CELF2: variants seen among roughly 807,000 people sequenced by gnomAD.
CELF2 encodes CUGBP Elav-like family member 2.
In CELF2, 8 loss-of-function variants were observed where a neutral mutation model predicts 62.6. The ratio of observed to expected loss-of-function variants is 0.13; its 90% CI spans 0.07 to 0.23. CELF2 has a LOEUF of 0.23. Ranked by LOEUF, CELF2 falls within the 10% of genes least tolerant of loss-of-function variation. CELF2 has a pLI of 1.00. For missense variants in CELF2, 333 were observed against 671.0 expected (o/e 0.50, Z 5.56); for synonymous variants, 258 against 250.0 (o/e 1.03, Z -0.30).
At chr10:10,867,112 A>G (rs1390566598) in intron 1 of CELF2, among the ~76,000 whole-genome samples, 1 of 152,046 alleles carries the variant, frequency 6.6e-6, no homozygotes, top group African/African-American at 2.4e-5. Context: ...TCAACAACCT[A>G]CTCTCTGGGA....
At position 11,305,462 on chromosome 10, in the gene CELF2, C is replaced by CG. The variant is rs2094131632; in HGVS notation, c.977-8677_977-8676insG. Among the ~76,000 whole-genome samples the CG allele has an allele frequency of 6.6e-6, 1 of 152,218 alleles. No individual in the cohort carries two copies. The highest frequency in any genetic ancestry group is 2.1e-4 in the South Asian group (1 of 4,828). ...CATCTTTCAAGCGCAGGAAAGACTCCAGTCTAGTTCACAGTTTGCCTGGGA... is the reference window on the plus strand; with the variant it reads ...CATCTTTCAAGCGCAGGAAAGACTCCGAGTCTAGTTCACAGTTTGCCTGGGA... On this transcript the variant is annotated intron_variant, in intron 9 of 12. Transcript: ENST00000633077. The surrounding 1 kb of genome is among the most constrained non-coding windows in gnomAD (Gnocchi z 4.8).
chr10:11,082,384 G>A lies in CELF2; in HGVS notation c.74+64221G>A, dbSNP rs371176680. ...ATATCTATCTCCAAACTCTCTTCCC[G>A]CTAGTTGTTCTATATTTCCAGATCA... On this transcript the variant is annotated intron_variant, in intron 1 of 12. Coordinates refer to ENST00000633077, the MANE Select transcript of CELF2 (RefSeq NM_001326342.2). 9.5e-4 allele frequency among the ~76,000 whole-genome samples: 145 copies of A among 152,226 alleles called. 1 individual carries two copies. The highest frequency in any genetic ancestry group is 1.7e-3 in the Non-Finnish European group (119 of 68,018).
At chr10:10,927,913 A>C (rs958269571) in intron 2 of CELF2, among the ~76,000 whole-genome samples, 5 of 152,160 alleles carry the variant, frequency 3.3e-5, no homozygotes, top group African/African-American at 1.2e-4. Context: ...TTTTCATAAA[A>C]TCATGTAAGA....
the CELF2 span, among the ~76,000 whole-genome samples, chr10:10,729,319 A>G: frequency 4.6e-5 from 7 of 152,222 alleles, no homozygotes; most frequent in African/African-American, 1.7e-4. Context: ...ATGGTAAGAG[A>G]AATACAGCGA....
In CELF2 at chr10:10,976,503, A is replaced by G. The variant is rs557756668; in HGVS notation, c.89+56504A>G. 1.1e-4 allele frequency among the ~76,000 whole-genome samples: 17 copies of G among 149,274 alleles called. No homozygotes were observed. In the East Asian group the frequency reaches 3.2e-3, roughly 28 times the overall value. ...TTTTTATGTTAAGCCATTTTACCCT[A>G]CTCTTTTTTTCATGCCTTTAGTTTC... On this transcript the variant is annotated intron_variant, in intron 2 of 13. Coordinates refer to the CELF2 transcript ENST00000636488.
At chr10:11,120,859 C>G (rs760985466) in intron 1 of CELF2, among the ~76,000 whole-genome samples, 1 of 152,192 alleles carries the variant, frequency 6.6e-6, no homozygotes, top group Non-Finnish European at 1.5e-5. Flanking sequence ...GAGGCTCTTA[C>G]AAATACTTTG....
rs566688161 is a variant in CELF2 at position 10,834,731 on chromosome 10, C to A, written c.53+35914C>A. On this transcript the variant is annotated intron_variant, in intron 1 of 13. Transcript: ENST00000636488. ...AAGCTCACGAGAAATCTTCAACATC[C>A]CACTTCAGACAAAACTTTGGTTTGA... Among the ~76,000 whole-genome samples, 6 of 152,252 alleles carry A rather than the reference C, an allele frequency of 3.9e-5. No homozygotes were observed. In the South Asian group the frequency reaches 8.3e-4, roughly 21 times the overall value.
the CELF2 span, among the ~76,000 whole-genome samples, chr10:10,611,683 G>A: frequency 6.6e-6 from 1 of 152,172 alleles, no homozygotes; most frequent in Admixed American, 6.5e-5. Flanking sequence ...TAATGACAGG[G>A]AGGCAGAGAC....
At chr10:11,134,728 C>T (rs923936783) in intron 1 of CELF2, among the ~76,000 whole-genome samples, 2 of 152,110 alleles carry the variant, frequency 1.3e-5, no homozygotes, top group Admixed American at 1.3e-4. Flanking sequence ...CTTCTGTTGG[C>T]AGTGGGATTT....
rs1382092726 is a variant in CELF2 at position 11,159,839 on chromosome 10, T to TA, written c.75-5642dup. Among the ~76,000 whole-genome samples, 1 of 152,216 alleles carries TA rather than the reference T, an allele frequency of 6.6e-6. No homozygotes were observed. Among genetic ancestry groups the TA allele is most frequent in the Non-Finnish European group, 1.5e-5 (1 of 68,034 alleles). On this transcript the variant is annotated intron_variant, in intron 1 of 12. Coordinates refer to ENST00000633077, the MANE Select transcript of CELF2 (RefSeq NM_001326342.2). This position sits in a 1 kb window ranked among gnomAD's most constrained non-coding sequence, Gnocchi z 5.0. ...CTATTACTTAAGTACAAGTGATATT[T>TA]AAAAATGATTCCTGAGCCCTTTGAA...
chr10:11,037,304 C>T (rs151159426), intron 1 of CELF2, among the ~76,000 whole-genome samples: 128 of 152,302 alleles, frequency 8.4e-4, no homozygotes, highest in African/African-American at 2.9e-3. Flanking sequence ...AGAAACCCAC[C>T]CCCTTGATTC....
chr10:11,275,080 C>T lies in CELF2; in HGVS notation c.801C>T (p.Ser267=), dbSNP rs771686813. ...AGCTCCTGCAGCAGGCCACCTCCTCCAGCAACCTGGGTGCGTTCAGCGGCA... is the reference window on the plus strand; with the variant it reads ...AGCTCCTGCAGCAGGCCACCTCCTCTAGCAACCTGGGTGCGTTCAGCGGCA... The part of the protein sequence containing the change: ...YLALLQQATS[S]SNLGAFSGIQ... Residue 267 remains serine (S), a synonymous_variant, in exon 8 of 13, where the codon TCC becomes TCT. Transcript: ENST00000633077. 1.9e-6 allele frequency: 3 copies of T among 1,614,218 alleles called. 1 individual carries two copies. In the South Asian group the frequency reaches 3.3e-5, roughly 18 times the overall value.
rs762325061 is a variant in CELF2 at position 10,936,897 on chromosome 10, C to A, written c.89+16898C>A. Among the ~76,000 whole-genome samples, 1 of 151,994 alleles carries A rather than the reference C, an allele frequency of 6.6e-6. No homozygotes were observed. Among genetic ancestry groups the A allele is most frequent in the East Asian group, 1.9e-4 (1 of 5,158 alleles). On this transcript the variant is annotated intron_variant, in intron 2 of 13. Coordinates refer to the CELF2 transcript ENST00000636488. This position sits in a 1 kb window ranked among gnomAD's most constrained non-coding sequence, Gnocchi z 4.0. Reference sequence around the variant, plus strand: ...ATTCTGTATTTCTGACAAGCTCCCACGGGGTTTCTGATGATTCTGGTCCTC... The same window carrying A: ...ATTCTGTATTTCTGACAAGCTCCCAAGGGGTTTCTGATGATTCTGGTCCTC...
rs2094432888 is a variant in CELF2, at chr10:11,309,117, TG to T, written c.977-5019del. ...GTCTTTGTCCACCAAGTCTAACATC[TG>T]GGCCCTCTTACGCACAGTTTCTGTT... On this transcript the variant is annotated intron_variant, in intron 9 of 12. Coordinates refer to ENST00000633077, the MANE Select transcript of CELF2 (RefSeq NM_001326342.2). The surrounding 1 kb of genome is among the most constrained non-coding windows in gnomAD (Gnocchi z 5.6). Among the ~76,000 whole-genome samples, 1 of 152,250 alleles carries T rather than the reference TG, an allele frequency of 6.6e-6. No homozygotes were observed. Among genetic ancestry groups the T allele is most frequent in the Non-Finnish European group, 1.5e-5 (1 of 68,042 alleles).
the CELF2 span, among the ~76,000 whole-genome samples, chr10:10,607,901 T>A: frequency 6.6e-6 from 1 of 151,330 alleles, no homozygotes; most frequent in Non-Finnish European, 1.5e-5. Flanking sequence ...AGGTGGCAGG[T>A]GGATCACCTG....
chr10:11,190,102 T>C (rs1288882167), intron 2 of CELF2, among the ~76,000 whole-genome samples: 4 of 152,244 alleles, frequency 2.6e-5, no homozygotes, highest in Non-Finnish European at 4.4e-5. Context: ...ACCTCTTTGA[T>C]TCAAGCCTTC....
the CELF2 span, among the ~76,000 whole-genome samples, chr10:10,672,826 A>T: frequency 6.6e-6 from 1 of 152,096 alleles, no homozygotes; most frequent in Non-Finnish European, 1.5e-5. Context: ...GTCAATATCT[A>T]CAAAACAACT....
chr10:10,775,321 A>G, the CELF2 span, among the ~76,000 whole-genome samples: 2 of 152,252 alleles, frequency 1.3e-5, no homozygotes, highest in Non-Finnish European at 2.9e-5. Context: ...GGGCTCTGGG[A>G]TGGTACAGAG....
At chr10:11,083,179 T>C (rs1482481417) in intron 1 of CELF2, among the ~76,000 whole-genome samples, 1 of 152,164 alleles carries the variant, frequency 6.6e-6, no homozygotes, top group Non-Finnish European at 1.5e-5. Flanking sequence ...CCACGGAATC[T>C]GTTGACAGCT....
Sources: gnomAD v4.1 joint callset for allele counts (sites outside exome capture counted in the v4.1 genomes callset) on GRCh38, gnomAD v4.1.1 for gene constraint, Gnocchi (gnomAD v3.1) non-coding constraint, MANE v1.5 for transcripts, NCBI Gene and HGNC (gene_info 2026-07-23, HGNC 2026-07-21) for gene names.